CHCHD3: variants seen among roughly 807,000 people sequenced by gnomAD.
The protein encoded by CHCHD3 is coiled-coil-helix-coiled-coil-helix domain containing 3, also known as MICOS complex subunit MIC19.
In CHCHD3, 20 loss-of-function variants were observed where a neutral mutation model predicts 38.2. That is an observed-to-expected ratio of 0.52 (90% CI 0.37 to 0.76). The LOEUF is 0.76. Among genes scored for constraint, CHCHD3 ranks in the 30% least tolerant of loss-of-function variants. CHCHD3 has a pLI of 0.00. For synonymous variants in CHCHD3, 82 were observed against 100.0 expected (o/e 0.82, Z 1.07); for missense variants, 245 against 279.2 (o/e 0.88, Z 0.87).
intron 6 of CHCHD3, among the ~76,000 whole-genome samples, chr7:132,819,398 CT>C (rs904539116): frequency 3.1e-4 from 47 of 150,442 alleles, no homozygotes; most frequent in Middle Eastern, 3.5e-3. Flanking sequence ...AGAAAACGCA[CT>C]TTTTTTTTTC....
At chr7:132,980,913 A>G (rs1233586621) in intron 3 of CHCHD3, among the ~76,000 whole-genome samples, 2 of 152,222 alleles carry the variant, frequency 1.3e-5, no homozygotes, top group African/African-American at 2.4e-5. Context: ...AATTTTAAAG[A>G]TAACTTTAGC....
intron 3 of CHCHD3, among the ~76,000 whole-genome samples, chr7:132,993,800 G>T (rs2117376392): frequency 6.6e-6 from 1 of 152,276 alleles, no homozygotes; most frequent in South Asian, 2.1e-4. Flanking sequence ...AGAGACTGGG[G>T]CCAACACTGT....
At chr7:132,906,217 C>A (rs1299562544) in intron 4 of CHCHD3, among the ~76,000 whole-genome samples, 2 of 152,034 alleles carry the variant, frequency 1.3e-5, no homozygotes, top group East Asian at 3.9e-4. Flanking sequence ...ACAATATTAG[C>A]CAGCTATCAA....
intron 4 of CHCHD3, among the ~76,000 whole-genome samples, chr7:132,920,817 A>T (rs1810241606): frequency 6.6e-6 from 1 of 152,030 alleles, no homozygotes. Context: ...GTAGTCTCAG[A>T]TCAAAGAAAA....
intron 4 of CHCHD3, chr7:132,973,872 C>A: frequency 8.5e-7 from 1 of 1,173,102 alleles, no homozygotes; most frequent in Non-Finnish European, 1.1e-6. Flanking sequence ...GTTCTCCATT[C>A]CATGGTCCCA....
At chr7:132,896,609 A>G (rs1585614793) in intron 4 of CHCHD3, among the ~76,000 whole-genome samples, 1 of 152,202 alleles carries the variant, frequency 6.6e-6, no homozygotes, top group Non-Finnish European at 1.5e-5. Flanking sequence ...ATGCTGAATC[A>G]AAACTCAAAT....
chr7:132,785,355 C>T lies in CHCHD3; in HGVS notation c.*282G>A. 2.3e-6 allele frequency: 1 copy of T among 430,690 alleles called. No individual in the cohort carries two copies. The highest frequency in any genetic ancestry group is 4.1e-6 in the Non-Finnish European group (1 of 241,100). 26.7% of individuals were successfully genotyped at this position (430,690 alleles called of 1,614,324 possible). ...GTCAGTGCAAGTTGAATAGAAAGTA[C>T]CAAAAGGTGGAGAGGGCTGCCCTTC... On this transcript the variant is annotated 3_prime_UTR_variant, in exon 8 of 8. Transcript: ENST00000262570.
chr7:132,865,930 A>G (rs1032444831), intron 5 of CHCHD3, among the ~76,000 whole-genome samples: 3 of 152,078 alleles, frequency 2.0e-5, no homozygotes, highest in African/African-American at 7.2e-5. Flanking sequence ...GCAGTTTGTC[A>G]TTTTGCCAAC....
intron 7 of CHCHD3, among the ~76,000 whole-genome samples, chr7:132,795,187 C>A (rs1252526970): frequency 2.0e-5 from 3 of 152,190 alleles, no homozygotes; most frequent in African/African-American, 4.8e-5. Flanking sequence ...ACCACCAGCT[C>A]AATAAGGCAC....
chr7:133,079,836 C>T (rs1421291944), intron 1 of CHCHD3, among the ~76,000 whole-genome samples: 1 of 152,202 alleles, frequency 6.6e-6, no homozygotes, highest in African/African-American at 2.4e-5. Flanking sequence ...CAAGTTGATA[C>T]TCTTTTGATC....
intron 5 of CHCHD3, among the ~76,000 whole-genome samples, chr7:132,877,041 G>A (rs977151664): frequency 6.6e-6 from 1 of 151,962 alleles, no homozygotes; most frequent in Non-Finnish European, 1.5e-5. Flanking sequence ...CAGCCTACAT[G>A]GTAAATAGAG....
At chr7:132,796,972 T>C (rs969251021) in intron 6 of CHCHD3, among the ~76,000 whole-genome samples, 11 of 152,218 alleles carry the variant, frequency 7.2e-5, no homozygotes, top group Admixed American at 2.0e-4. Flanking sequence ...TGTCGTTACA[T>C]TGCTTCCAAG....
At chr7:132,923,515 A>G (rs557016474) in intron 4 of CHCHD3, among the ~76,000 whole-genome samples, 32 of 152,182 alleles carry the variant, frequency 2.1e-4, no homozygotes, top group Non-Finnish European at 3.5e-4. Context: ...GCTGGAATAT[A>G]GTAGTTACGT....
At chr7:133,034,972 C>T in intron 2 of CHCHD3, 1 of 1,604,350 alleles carries the variant, frequency 6.2e-7, no homozygotes, top group Non-Finnish European at 8.5e-7. Flanking sequence ...GACCAGCCGT[C>T]CTTATCAAAG....
intron 3 of CHCHD3, among the ~76,000 whole-genome samples, chr7:133,013,856 T>C (rs1227431278): frequency 6.6e-6 from 1 of 152,188 alleles, no homozygotes; most frequent in Non-Finnish European, 1.5e-5. Flanking sequence ...TAGGTATGTA[T>C]TTCCCTGGTA....
intron 6 of CHCHD3, among the ~76,000 whole-genome samples, chr7:132,820,966 T>C (rs575028496): frequency 6.6e-6 from 1 of 152,356 alleles, no homozygotes; most frequent in South Asian, 2.1e-4. Context: ...AACCACATTA[T>C]GTAGTTCTCA....
intron 4 of CHCHD3, among the ~76,000 whole-genome samples, chr7:132,949,358 C>T (rs1378983792): frequency 6.6e-6 from 1 of 152,102 alleles, no homozygotes; most frequent in Non-Finnish European, 1.5e-5. Flanking sequence ...TCCTGCTCCC[C>T]TACTCAATCC....
intron 4 of CHCHD3, among the ~76,000 whole-genome samples, chr7:132,918,412 G>T (rs577460493): frequency 6.6e-6 from 1 of 152,146 alleles, no homozygotes; most frequent in Non-Finnish European, 1.5e-5. Context: ...GGCACAGTGC[G>T]TGACACATTT....
intron 4 of CHCHD3, among the ~76,000 whole-genome samples, chr7:132,946,695 C>A (rs1041160551): frequency 8.6e-5 from 13 of 151,560 alleles, no homozygotes; most frequent in Admixed American, 1.3e-4. Context: ...AGACTGAGCT[C>A]CACAGTGATG....
Sources: allele counts gnomAD v4.1 joint callset (sites outside exome capture counted in the v4.1 genomes callset), GRCh38; gene constraint gnomAD v4.1.1; transcripts MANE v1.5; gene names NCBI Gene and HGNC (gene_info 2026-07-23, HGNC 2026-07-21).